MPDZ: variants seen among roughly 807,000 people sequenced by gnomAD.
The protein encoded by MPDZ is multiple PDZ domain crumbs cell polarity complex component, also known as multiple PDZ domain protein.
Under a neutral mutation model 239.1 loss-of-function variants are expected in MPDZ, and 234 were observed. The ratio of observed to expected loss-of-function variants is 0.98; its 90% CI spans 0.88 to 1.09. MPDZ has a LOEUF of 1.09. Ranked by LOEUF, MPDZ falls within the 50% of genes least tolerant of loss-of-function variation. The pLI, the probability that MPDZ is intolerant of heterozygous loss-of-function variation, is 0.00. For synonymous variants in MPDZ, 1,048 were observed against 881.3 expected, an observed-to-expected ratio of 1.19 and a Z score of -3.35; for missense variants, 3,175 against 2,510.0, an observed-to-expected ratio of 1.26 and a Z score of -5.66.
In MPDZ at chr9:13,236,501, G is replaced by A. The variant is rs563171722; in HGVS notation, c.183+11134C>T. On this transcript the variant is annotated intron_variant, in intron 3 of 46. Transcript: ENST00000319217. ...TCTCCATGTTGGTCAGGCTGGTCTCGAACTCCCGACCTCAGGTGACCCGCC... is the reference window on the plus strand; with the variant it reads ...TCTCCATGTTGGTCAGGCTGGTCTCAAACTCCCGACCTCAGGTGACCCGCC... Among the ~76,000 whole-genome samples, 83 of 150,248 alleles carry A rather than the reference G, an allele frequency of 5.5e-4. 1 individual carries two copies. The highest frequency in any genetic ancestry group is 8.3e-4 in the Non-Finnish European group (56 of 67,614).
intron 1 of MPDZ, among the ~76,000 whole-genome samples, chr9:13,259,856 TG>T (rs1465657184): frequency 6.6e-6 from 1 of 152,122 alleles, no homozygotes; most frequent in Non-Finnish European, 1.5e-5. Flanking sequence ...TTGTTTGAGA[TG>T]GAGTCTCACT....
rs776536465 is a variant in MPDZ at position 13,247,747 on chromosome 9, C to G, written c.71G>C (p.Arg24Pro). Residue 24 changes from arginine (R) to proline (P), a missense_variant, in exon 3 of 47, where the codon CGT (arginine) becomes CCT (proline). Coordinates refer to ENST00000319217, the MANE Select transcript of MPDZ (RefSeq NM_001378778.1). ...TTTGTCTTCATTTGCTACATCCCCA[C>G]GTTCTCGCAGCTTGGTTTGCAAGCG... ...AERLQTKLRE[R>P]GDVANEDKLS... 2 of 1,612,822 alleles carry G rather than the reference C, an allele frequency of 1.2e-6. No homozygotes were observed. The highest frequency in any genetic ancestry group is 1.7e-6 in the Non-Finnish European group (2 of 1,179,100).
chr9:13,276,422 C>T (rs1160807431), intron 1 of MPDZ, among the ~76,000 whole-genome samples: 1 of 152,154 alleles, frequency 6.6e-6, no homozygotes, highest in African/African-American at 2.4e-5. Flanking sequence ...ATGCATGACA[C>T]TAATTTACAA....
In MPDZ at chr9:13,247,805, T is replaced by C. The variant is rs769042208; in HGVS notation, c.17-4A>G. ...GCATGCAGGGCCCGATTTTTGTCTA[T>C]ACCAAAGAGCAGCATTTGTCAATAA... On this transcript the variant is annotated splice_region_variant and splice_polypyrimidine_tract_variant and intron_variant, in intron 2 of 46. Coordinates refer to ENST00000319217, the MANE Select transcript of MPDZ (RefSeq NM_001378778.1). The C allele has an allele frequency of 1.9e-6, 3 of 1,595,352 alleles. No homozygotes were observed. The highest frequency in any genetic ancestry group is 2.6e-6 in the Non-Finnish European group (3 of 1,165,330).
Position 13,183,384 on chromosome 9 carries a change from T to C in MPDZ, c.2649+34A>G, listed in dbSNP as rs749836302. On this transcript the variant is annotated intron_variant, in intron 19 of 46. Transcript: ENST00000319217. Reference sequence around the variant, plus strand: ...CTCTGGAAAATTACACACAAGACTTTCCTATAAAAGAAAAATTGGCTTTTC... The same window carrying C: ...CTCTGGAAAATTACACACAAGACTTCCCTATAAAAGAAAAATTGGCTTTTC... 3.2e-6 allele frequency: 5 copies of C among 1,562,032 alleles called. No individual in the cohort carries two copies. The East Asian group carries it at 1.1e-4, about 36-fold the overall frequency.
In MPDZ at chr9:13,178,383, ATT is replaced by A. The variant is rs1300621094; in HGVS notation, c.2650-1968_2650-1967del. Among the ~76,000 whole-genome samples, 8 of 152,160 alleles carry A rather than the reference ATT, an allele frequency of 5.3e-5. No homozygotes were observed. In the East Asian group the frequency reaches 1.5e-3, roughly 29 times the overall value. The stretch of plus-strand genomic sequence containing the variant: ...AGTCCTAGATTAGTTTGGCAATCTG[ATT>A]TGTAAGAAATATTAGTGTATTACTA... On this transcript the variant is annotated intron_variant, in intron 19 of 46. Coordinates refer to ENST00000319217, the MANE Select transcript of MPDZ (RefSeq NM_001378778.1).
intron 23 of MPDZ, among the ~76,000 whole-genome samples, chr9:13,158,531 G>A (rs1286989353): frequency 1.3e-5 from 2 of 152,160 alleles, no homozygotes; most frequent in African/African-American, 2.4e-5. Context: ...ACCTTGTCCT[G>A]AATGAATTTC....
chr9:13,214,932 GA>G (rs1216918500), intron 10 of MPDZ, among the ~76,000 whole-genome samples: 1 of 151,878 alleles, frequency 6.6e-6, no homozygotes, highest in African/African-American at 2.4e-5. Flanking sequence ...TTATAATGTG[GA>G]CTTAAAGGGA....
At chr9:13,116,196 G>A (rs551647841) in intron 39 of MPDZ, among the ~76,000 whole-genome samples, 21 of 152,154 alleles carry the variant, frequency 1.4e-4, no homozygotes, top group African/African-American at 4.1e-4. Context: ...AAGAAATGCC[G>A]CACAGTCTAA....
At chr9:13,212,700 C>T (rs923991385) in intron 10 of MPDZ, among the ~76,000 whole-genome samples, 3 of 146,668 alleles carry the variant, frequency 2.0e-5, no homozygotes, top group Admixed American at 7.0e-5. Flanking sequence ...AGGCCAGGTG[C>T]GGTGGCTAAT....
At chr9:13,240,696 C>A (rs1216307465) in intron 3 of MPDZ, among the ~76,000 whole-genome samples, 1 of 149,132 alleles carries the variant, frequency 6.7e-6, no homozygotes, top group African/African-American at 2.4e-5. Flanking sequence ...TACAAGCTAA[C>A]CCCCAATTTC....
rs1445941611 is a variant in MPDZ at position 13,176,541 on chromosome 9, C to A, written c.2650-124G>T. 4 of 870,096 alleles carry A rather than the reference C, an allele frequency of 4.6e-6. No homozygotes were observed. The East Asian group carries it at 1.1e-4, about 24-fold the overall frequency. 53.9% of individuals were successfully genotyped at this position (870,096 alleles called of 1,614,324 possible). On this transcript the variant is annotated intron_variant, in intron 19 of 46. Coordinates refer to ENST00000319217, the MANE Select transcript of MPDZ (RefSeq NM_001378778.1). ...TGTAAAACATAACAATTATTTATTACTCAAAAAGCATTAACAAACACAATT... is the reference window on the plus strand; with the variant it reads ...TGTAAAACATAACAATTATTTATTAATCAAAAAGCATTAACAAACACAATT...
intron 1 of MPDZ, chr9:13,276,466 G>C (rs1336138724): frequency 1.3e-5 from 2 of 152,046 alleles, no homozygotes; most frequent in African/African-American, 4.8e-5. Context: ...ATAAATATGG[G>C]GTTGATAATG....
In MPDZ at chr9:13,196,127, T is replaced by G; in HGVS notation, c.1650A>C (p.Glu550Asp). 1 of 1,590,970 alleles carries G rather than the reference T, an allele frequency of 6.3e-7. No individual in the cohort carries two copies. Among genetic ancestry groups the G allele is most frequent in the East Asian group, 2.3e-5 (1 of 44,310 alleles). Residue 550 changes from glutamate to aspartate, a missense_variant, in exon 13 of 47, where the codon GAA (glutamate) becomes GAC (aspartate). Glu to Asp is a conservative substitution (Grantham distance 45). Transcript: ENST00000319217. ...AGAAGGTCAGCTAACCTACCACTATTTCATAGTTAATTCCCATAATCCTTT... is the reference window on the plus strand; with the variant it reads ...AGAAGGTCAGCTAACCTACCACTATGTCATAGTTAATTCCCATAATCCTTT... Reference protein sequence around the residue: ...KWQRIMGINYEIVVAHVSKFS... With the variant: ...KWQRIMGINYDIVVAHVSKFS...
chr9:13,145,936 G>A (rs1233809967), intron 26 of MPDZ, among the ~76,000 whole-genome samples: 1 of 151,676 alleles, frequency 6.6e-6, no homozygotes, highest in Non-Finnish European at 1.5e-5. Context: ...ACAAAAAAAG[G>A]ACTAAAATCC....
chr9:13,123,309 G>A lies in MPDZ; in HGVS notation c.4808-11C>T. 1 of 1,586,556 alleles carries A rather than the reference G, an allele frequency of 6.3e-7. No individual in the cohort carries two copies. Among genetic ancestry groups the A allele is most frequent in the Non-Finnish European group, 8.6e-7 (1 of 1,166,182 alleles). On this transcript the variant is annotated splice_polypyrimidine_tract_variant and intron_variant, in intron 35 of 46. Transcript: ENST00000319217. The stretch of plus-strand genomic sequence containing the variant: ...ATGATCTGCTTGTATCTAAAAATAA[G>A]TTAAAAATGAAATACAAATAAAAAT...
chr9:13,179,161 A>G (rs551525641), intron 19 of MPDZ, among the ~76,000 whole-genome samples: 2 of 152,270 alleles, frequency 1.3e-5, no homozygotes, highest in African/African-American at 4.8e-5. Flanking sequence ...CATCTGTAGT[A>G]TCTTCAGAAA....
chr9:13,186,175 C>G (rs1455337841), intron 18 of MPDZ, 95 bp downstream of exon 18: 11 of 572,942 alleles, frequency 1.9e-5, no homozygotes, highest in Non-Finnish European at 3.0e-5. Flanking sequence ...TAATAATGAA[C>G]AAAGAATATA....
chr9:13,169,853 G>C (rs1245646892), intron 21 of MPDZ, among the ~76,000 whole-genome samples: 1 of 152,070 alleles, frequency 6.6e-6, no homozygotes, highest in South Asian at 2.1e-4. Context: ...TCTCGTCTCT[G>C]TCCGTTTTGA....
Sources: gnomAD v4.1 joint callset for allele counts (sites outside exome capture counted in the v4.1 genomes callset) on GRCh38, gnomAD v4.1.1 for gene constraint, MANE v1.5 for transcripts, NCBI Gene and HGNC (gene_info 2026-07-23, HGNC 2026-07-21) for gene names.